Variants in GRIP1 observed in about 807,000 individuals in gnomAD.
GRIP1 encodes the protein glutamate receptor-interacting protein 1.
A neutral mutation model predicts 129.9 loss-of-function variants in GRIP1; 45 were observed. The ratio of observed to expected loss-of-function variants is 0.35; its 90% CI spans 0.27 to 0.44. The LOEUF (loss-of-function observed/expected upper bound fraction) is 0.44. Ranked by LOEUF, GRIP1 falls within the 20% of genes least tolerant of loss-of-function variation. The probability of loss-of-function intolerance (pLI) is 1.00; values close to 1 mark genes in which losing one functional copy is unlikely to be tolerated. For synonymous variants in GRIP1, 530 were observed against 520.8 expected (o/e 1.02, Z -0.24); for missense variants, 1,196 against 1,396.8 (o/e 0.86, Z 2.29).
chr12:66,969,609 G>T (rs775408233), intron 1 of GRIP1, among the ~76,000 whole-genome samples: 2 of 151,974 alleles, frequency 1.3e-5, no homozygotes, highest in South Asian at 2.1e-4. Context: ...TAGAAACAGG[G>T]TCTCACTATG....
At chr12:66,565,060 C>T (rs963266969) in intron 2 of GRIP1, among the ~76,000 whole-genome samples, 1 of 152,114 alleles carries the variant, frequency 6.6e-6, no homozygotes, top group Non-Finnish European at 1.5e-5. Context: ...AAATTTTCCC[C>T]CATTCTGTAG....
rs114649227 is a variant in GRIP1 at position 66,348,581 on chromosome 12, G to T, written c.*438C>A. 9.5e-4 allele frequency: 188 copies of T among 198,708 alleles called. No individual in the cohort carries two copies. The highest frequency in any genetic ancestry group is 4.1e-3 in the African/African-American group (174 of 42,476). 12.3% of individuals were successfully genotyped at this position (198,708 alleles called of 1,614,324 possible). On this transcript the variant is annotated 3_prime_UTR_variant, in exon 25 of 25. Transcript: ENST00000359742. ...AGTTCCCCTAGTAGAGCCAGCCTAT[G>T]AGAAGAAAAGCTTTGTTGGCCAAGT...
rs552247194 is a variant in GRIP1 at position 66,849,249 on chromosome 12, A to G, written c.58+219801T>C. Among the ~76,000 whole-genome samples the G allele has an allele frequency of 3.9e-5, 6 of 152,176 alleles. No individual in the cohort carries two copies. In the East Asian group the frequency reaches 1.2e-3, roughly 29 times the overall value. On this transcript the variant is annotated intron_variant, in intron 1 of 1. Coordinates refer to the GRIP1 transcript ENST00000643019. The stretch of plus-strand genomic sequence containing the variant: ...AGACCTTGTCCTCTTCTATCTGGCC[A>G]TAACCATTTCTTCCATCTCCTACAA...
At chr12:66,474,034 T>C (rs12581225) in intron 7 of GRIP1, among the ~76,000 whole-genome samples, 40,185 of 151,846 alleles carry the variant, frequency 0.26, 5,529 homozygotes, top group Middle Eastern at 0.42. Context: ...CAAACTCCTC[T>C]GAGCTAAAGG....
At chr12:67,018,625 C>A (rs992133111) in intron 1 of GRIP1, among the ~76,000 whole-genome samples, 7 of 152,026 alleles carry the variant, frequency 4.6e-5, no homozygotes, top group Non-Finnish European at 1.5e-5. Flanking sequence ...ACAAACCAGG[C>A]AGAAACCAGA....
intron 1 of GRIP1, among the ~76,000 whole-genome samples, chr12:67,015,882 T>G (rs1329121271): frequency 6.6e-6 from 1 of 152,158 alleles, no homozygotes; most frequent in African/African-American, 2.4e-5. Flanking sequence ...AGCATTAGAA[T>G]AGAGTGTGAA....
chr12:66,631,665 T>C (rs1464441416), intron 1 of GRIP1, among the ~76,000 whole-genome samples: 2 of 152,220 alleles, frequency 1.3e-5, no homozygotes, highest in African/African-American at 4.8e-5. Context: ...TCTGACTTTC[T>C]GTGTAACAAA....
intron 2 of GRIP1, among the ~76,000 whole-genome samples, chr12:66,562,991 C>A (rs1006611042): frequency 6.7e-6 from 1 of 149,388 alleles, no homozygotes; most frequent in South Asian, 2.1e-4. Flanking sequence ...GTCTTCTTCA[C>A]GTTAGGTAGG....
rs1361122177 is a variant in GRIP1, at chr12:66,920,464, G to A, written c.58+148586C>T. Reference sequence around the variant, plus strand: ...AGCAGCTGGATGTTGTGAGAGATACGATGACAAGACACATGTCACATTCAT... The same window carrying A: ...AGCAGCTGGATGTTGTGAGAGATACAATGACAAGACACATGTCACATTCAT... On this transcript the variant is annotated intron_variant, in intron 1 of 1. Transcript: ENST00000643019. Among the ~76,000 whole-genome samples the A allele has an allele frequency of 3.9e-5, 6 of 152,284 alleles. No homozygotes were observed. In the East Asian group the frequency reaches 1.2e-3, roughly 29 times the overall value.
At chr12:66,501,443 T>C (rs1372902002) in intron 7 of GRIP1, among the ~76,000 whole-genome samples, 1 of 152,144 alleles carries the variant, frequency 6.6e-6, no homozygotes, top group Non-Finnish European at 1.5e-5. Context: ...TTTTCCCCAG[T>C]GAATGACTGG....
intron 1 of GRIP1, among the ~76,000 whole-genome samples, chr12:66,917,140 T>G (rs576300524): frequency 6.6e-6 from 1 of 152,352 alleles, no homozygotes; most frequent in Admixed American, 6.5e-5. Context: ...GCATCCCATG[T>G]ATTTAAAGAG....
At chr12:66,534,310 A>G (rs1479696789) in intron 4 of GRIP1, among the ~76,000 whole-genome samples, 1 of 152,206 alleles carries the variant, frequency 6.6e-6, no homozygotes, top group Non-Finnish European at 1.5e-5. Flanking sequence ...TAACTCCTAA[A>G]CATTTCTGAT....
rs2036355223 is a variant in GRIP1, at chr12:66,729,306, T to TAATGTCAGTTAAAAACCATATTA, written c.-420+74746_-420+74747insTAATATGGTTTTTAACTGACATT. 2.0e-5 allele frequency among the ~76,000 whole-genome samples: 3 copies of TAATGTCAGTTAAAAACCATATTA among 152,306 alleles called. No homozygotes were observed. The South Asian group carries it at 6.2e-4, about 32-fold the overall frequency. ...TTTTGGCTAGTATTAAGAAAAACCA[T>TAATGTCAGTTAAAAACCATATTA]ACTGACATTAATATATGCAGTTTTA... is the stretch of plus-strand genomic sequence containing the variant. On this transcript the variant is annotated intron_variant, in intron 1 of 4. Coordinates refer to the GRIP1 transcript ENST00000538373.
In GRIP1 at chr12:66,921,484, G is replaced by A. The variant is rs185720197; in HGVS notation, c.58+147566C>T. On this transcript the variant is annotated intron_variant, in intron 1 of 1. Coordinates refer to the GRIP1 transcript ENST00000643019. ...TTACTTCTATTAAAATATTTCCCAG[G>A]TGAATCCACCTTCCCATTTCTGGGC... Among the ~76,000 whole-genome samples, 142 of 152,206 alleles carry A rather than the reference G, an allele frequency of 9.3e-4. 1 individual carries two copies. Among genetic ancestry groups the A allele is most frequent in the African/African-American group, 3.3e-3 (135 of 41,526 alleles).
chr12:67,003,331 T>C (rs552102149), intron 1 of GRIP1, among the ~76,000 whole-genome samples: 3 of 152,344 alleles, frequency 2.0e-5, no homozygotes, highest in South Asian at 4.1e-4. Flanking sequence ...ATTAATACTT[T>C]TCCAATTAAC....
intron 2 of GRIP1, among the ~76,000 whole-genome samples, chr12:66,591,784 C>G (rs142244759): frequency 9.9e-5 from 15 of 152,016 alleles, no homozygotes; most frequent in African/African-American, 3.6e-4. Context: ...TGCATGCCAC[C>G]ATCCCCAGCT....
rs1565751885 is a variant in GRIP1 at position 66,451,383 on chromosome 12, G to GGTTTTTTTTTTTTTT, written c.1354+4025_1354+4026insAAAAAAAAAAAAAAC. ...CCCCAAAGATTTATTATTATAATCT[G>GGTTTTTTTTTTTTTT]TTTTTTTTTTTTTTTTTTTTTTTTT... On this transcript the variant is annotated intron_variant, in intron 11 of 24. Transcript: ENST00000359742. Among the ~76,000 whole-genome samples the GGTTTTTTTTTTTTTT allele has an allele frequency of 7.0e-5, 3 of 42,650 alleles. 1 individual carries two copies. 28.0% of individuals were successfully genotyped at this position (42,650 alleles called of 152,430 possible).
At chr12:67,057,579 T>C (rs1319881456) in intron 1 of GRIP1, among the ~76,000 whole-genome samples, 1 of 152,118 alleles carries the variant, frequency 6.6e-6, no homozygotes, top group African/African-American at 2.4e-5. Flanking sequence ...GTAAATGCAG[T>C]TATTGAGTAT....
In GRIP1 at chr12:66,700,284, C is replaced by T. The variant is rs539386353; in HGVS notation, c.-419-69948G>A. On this transcript the variant is annotated intron_variant, in intron 1 of 4. Transcript: ENST00000538373. Reference sequence around the variant, plus strand: ...TGGAGCAACAGGTGCTTTGACATTTCTGGGGTTTTACTAAAAGTTCAGCCT... The same window carrying T: ...TGGAGCAACAGGTGCTTTGACATTTTTGGGGTTTTACTAAAAGTTCAGCCT... Among the ~76,000 whole-genome samples, 154 of 152,166 alleles carry T rather than the reference C, an allele frequency of 1.0e-3. 1 individual carries two copies. The highest frequency in any genetic ancestry group is 3.5e-3 in the African/African-American group (147 of 41,510).
Sources: gnomAD v4.1 joint callset for allele counts (sites outside exome capture counted in the v4.1 genomes callset) on GRCh38, gnomAD v4.1.1 for gene constraint, MANE v1.5 for transcripts, NCBI Gene and HGNC (gene_info 2026-07-23, HGNC 2026-07-21) for gene names.